The following RIMS1 variants were observed in gnomAD, a reference collection of about 807,000 sequenced individuals.
RIMS1 encodes the protein regulating synaptic membrane exocytosis protein 1.
RIMS1 carries 83 observed loss-of-function variants against 214.1 expected under a neutral mutation model. That is an observed-to-expected ratio of 0.39 (90% CI 0.32 to 0.47). The LOEUF (loss-of-function observed/expected upper bound fraction) is 0.47. Among genes scored for constraint, RIMS1 ranks in the 20% least tolerant of loss-of-function variants. RIMS1 has a pLI of 0.99. For synonymous variants in RIMS1, 793 were observed against 786.8 expected (o/e 1.01, Z -0.13); for missense variants, 2,050 against 2,161.8 (o/e 0.95, Z 1.03).
intron 31 of RIMS1, among the ~76,000 whole-genome samples, chr6:72,394,038 A>C (rs76583632): frequency 6.6e-6 from 1 of 151,722 alleles, no homozygotes; most frequent in East Asian, 1.9e-4. Context: ...AAAAAAAAAA[A>C]AAAAGATGGA....
chr6:72,285,988 G>A (rs2092176075), intron 24 of RIMS1, among the ~76,000 whole-genome samples: 1 of 151,916 alleles, frequency 6.6e-6, no homozygotes, highest in Non-Finnish European at 1.5e-5. Flanking sequence ...ATCTGAGGTC[G>A]GGAGTTTGAG....
chr6:72,390,639 A>G lies in RIMS1; in HGVS notation c.4408A>G (p.Thr1470Ala). 1 of 1,613,902 alleles carries G rather than the reference A, an allele frequency of 6.2e-7. No individual in the cohort carries two copies. Among genetic ancestry groups the G allele is most frequent in the Non-Finnish European group, 8.5e-7 (1 of 1,179,826 alleles). The change falls in exon 30 of 34, where the codon ACA (threonine) becomes GCA (alanine). Residue 1470 changes from threonine (T) to alanine (A), a missense_variant. Physicochemically the swap from Thr to Ala is moderately conservative, Grantham distance 58 (BLOSUM62 0). This residue lies in a region of RIMS1 where 121 missense variants were observed against 187.3 expected (regional missense o/e 0.65). Transcript: ENST00000521978. ...KKLKSTIQRSTETGMAAEMRK... is the reference protein window; with the variant it reads ...KKLKSTIQRSAETGMAAEMRK... ...GTTAAAAAGTACCATCCAGAGAAGC[A>G]CAGAAACAGGCATGGCAGCTGAAAT... is the stretch of plus-strand genomic sequence containing the variant.
chr6:72,160,436 G>A (rs2045205507), intron 4 of RIMS1, among the ~76,000 whole-genome samples: 1 of 139,690 alleles, frequency 7.2e-6, no homozygotes, highest in South Asian at 2.4e-4. Flanking sequence ...TAGGAGTGGT[G>A]AGAGAGGACA....
At chr6:72,055,741 A>G (rs892182207) in intron 2 of RIMS1, among the ~76,000 whole-genome samples, 1 of 152,242 alleles carries the variant, frequency 6.6e-6, no homozygotes, top group Non-Finnish European at 1.5e-5. Flanking sequence ...TCGAATGGCT[A>G]TTATTAAACG....
rs886061723 is a variant in RIMS1, at chr6:72,403,100, T to G, written c.*2386T>G. ...GTAAGAATCAAATGGAAGGTTGTTT[T>G]CTGCTGCTGTTTGAATGTGCTAATA... On this transcript the variant is annotated 3_prime_UTR_variant, in exon 34 of 34. Transcript: ENST00000521978. 10 of 152,248 alleles carry G rather than the reference T, an allele frequency of 6.6e-5. No homozygotes were observed. Among genetic ancestry groups the G allele is most frequent in the Non-Finnish European group, 1.5e-4 (10 of 68,048 alleles). 9.4% of individuals were successfully genotyped at this position (152,248 alleles called of 1,614,324 possible). A position where few individuals can be genotyped will look rare whatever the true frequency, so the allele number is the denominator to read the frequency against.
intron 22 of RIMS1, among the ~76,000 whole-genome samples, chr6:72,271,278 AAAAAAAAAAT>A (rs1403333204): frequency 3.9e-5 from 2 of 51,280 alleles, no homozygotes; most frequent in Admixed American, 2.3e-4. Context: ...GGAAAAAAAA[AAAAAAAAAAT>A]ATATATATAT....
intron 23 of RIMS1, among the ~76,000 whole-genome samples, chr6:72,283,695 A>G (rs2091233630): frequency 6.6e-6 from 1 of 152,064 alleles, no homozygotes. Context: ...CATCACATTT[A>G]TCATTATTAC....
chr6:71,967,445 A>G (rs890680760), intron 1 of RIMS1, among the ~76,000 whole-genome samples: 1 of 152,232 alleles, frequency 6.6e-6, no homozygotes. Context: ...GAATTGCTAA[A>G]GATTTTCGAA....
intron 4 of RIMS1, among the ~76,000 whole-genome samples, chr6:72,136,527 A>G (rs916620014): frequency 6.6e-6 from 1 of 152,176 alleles, no homozygotes; most frequent in Admixed American, 6.5e-5. Context: ...TGAAACAAAC[A>G]TAAATTTTTG....
intron 8 of RIMS1, 146 bp from the exon 9 acceptor site, chr6:72,237,675 CAA>C (rs879121321): frequency 0.014 from 7,022 of 493,486 alleles, no homozygotes; most frequent in South Asian, 0.02. Context: ...GATCCCATCT[CAA>C]AAAAAAAAAA....
chr6:72,293,665 A>G (rs978216239), intron 26 of RIMS1, among the ~76,000 whole-genome samples: 12 of 151,902 alleles, frequency 7.9e-5, no homozygotes, highest in African/African-American at 2.9e-4. Context: ...GGTACTGCAT[A>G]TAACTCTCCT....
At chr6:71,977,858 T>C (rs1194336132) in intron 2 of RIMS1, among the ~76,000 whole-genome samples, 1 of 152,166 alleles carries the variant, frequency 6.6e-6, no homozygotes, top group Non-Finnish European at 1.5e-5. Flanking sequence ...CTTGTGGGTC[T>C]TTGGATTTTA....
intron 10 of RIMS1, 77 bp from the exon 11 acceptor site, chr6:72,245,738 C>A: frequency 8.9e-7 from 1 of 1,118,978 alleles, no homozygotes; most frequent in Non-Finnish European, 1.4e-6. Context: ...TTTTTCACAT[C>A]ACGTATAATG....
At chr6:71,920,465 GT>G (rs1446023686) in intron 1 of RIMS1, among the ~76,000 whole-genome samples, 3 of 151,880 alleles carry the variant, frequency 2.0e-5, no homozygotes, top group Admixed American at 6.6e-5. Context: ...AAAATAAAAA[GT>G]TTAATTTTTA....
intron 31 of RIMS1, among the ~76,000 whole-genome samples, chr6:72,394,097 A>G (rs1271926134): frequency 6.6e-6 from 1 of 152,074 alleles, no homozygotes; most frequent in East Asian, 1.9e-4. Context: ...TGGGATACCC[A>G]GGATGATAGC....
chr6:72,303,808 T>C (rs960433853), intron 26 of RIMS1, among the ~76,000 whole-genome samples: 1 of 151,532 alleles, frequency 6.6e-6, no homozygotes, highest in Non-Finnish European at 1.5e-5. Flanking sequence ...TTTTAAAACA[T>C]AAGGCACATA....
intron 1 of RIMS1, among the ~76,000 whole-genome samples, chr6:71,956,011 A>G (rs982322978): frequency 5.9e-5 from 9 of 152,120 alleles, no homozygotes; most frequent in South Asian, 4.1e-4. Flanking sequence ...AAGTTTTTCA[A>G]TGAGGTAATT....
chr6:72,180,531 A>G (rs923296920), intron 5 of RIMS1, among the ~76,000 whole-genome samples: 1 of 152,222 alleles, frequency 6.6e-6, no homozygotes, highest in Non-Finnish European at 1.5e-5. Flanking sequence ...GTTACATTTT[A>G]TAGCTTTTAT....
chr6:71,919,407 GA>G (rs575514914), intron 1 of RIMS1, among the ~76,000 whole-genome samples: 2 of 148,742 alleles, frequency 1.3e-5, no homozygotes, highest in East Asian at 2.0e-4. Flanking sequence ...ACACGGGAAG[GA>G]AAAAAAAACA....
Sources: allele counts gnomAD v4.1 joint callset (sites outside exome capture counted in the v4.1 genomes callset), GRCh38; gene constraint gnomAD v4.1.1; regional missense constraint gnomAD v4.1.1; transcripts MANE v1.5; gene names NCBI Gene and HGNC (gene_info 2026-07-23, HGNC 2026-07-21).